SLFN12L: variants seen among roughly 807,000 people sequenced by gnomAD.
SLFN12L encodes the protein schlafen family member 12-like.
SLFN12L carries 34 observed loss-of-function variants against 34.8 expected under a neutral mutation model. That is an observed-to-expected ratio of 0.98 (90% CI 0.74 to 1.30). The LOEUF is 1.30. Ranked by LOEUF, SLFN12L falls within the 50% of genes most tolerant of loss-of-function variation. SLFN12L has a pLI of 0.00. For synonymous variants in SLFN12L, 259 were observed against 247.5 expected, an observed-to-expected ratio of 1.05 and a Z score of -0.44; for missense variants, 703 against 696.2, an observed-to-expected ratio of 1.01 and a Z score of -0.11.
At chr17:35,513,976 C>A (rs1038331300) in intron 2 of SLFN12L, among the ~76,000 whole-genome samples, 1 of 152,266 alleles carries the variant, frequency 6.6e-6, no homozygotes, top group South Asian at 2.1e-4. Context: ...TGCCAACATA[C>A]GTTCCTCAGA....
chr17:35,509,932 C>A (rs1915584897), intron 2 of SLFN12L: 1 of 152,348 alleles, frequency 6.6e-6, no homozygotes, highest in African/African-American at 2.4e-5. Flanking sequence ...CTCCTGACCT[C>A]ATGATCCTCC....
intron 2 of SLFN12L, chr17:35,490,895 C>T (rs1356275139): frequency 1.2e-6 from 1 of 836,046 alleles, no homozygotes. Flanking sequence ...GAAACACAGT[C>T]CAATGACAAC....
intron 2 of SLFN12L, among the ~76,000 whole-genome samples, chr17:35,517,700 T>A (rs1289612735): frequency 6.6e-6 from 1 of 152,052 alleles, no homozygotes; most frequent in South Asian, 2.1e-4. Context: ...CCAAAACAGA[T>A]ACATCAACCA....
intron 2 of SLFN12L, among the ~76,000 whole-genome samples, chr17:35,488,141 G>T (rs1322712709): frequency 6.6e-6 from 1 of 152,172 alleles, no homozygotes; most frequent in Non-Finnish European, 1.5e-5. Context: ...CCCCGGAGGC[G>T]CAGCTTGCAG....
Position 35,531,833 on chromosome 17 carries a change from T to C in SLFN12L, c.-606+5740A>G, listed in dbSNP as rs540963358. On this transcript the variant is annotated intron_variant, in intron 1 of 4. Transcript: ENST00000628453. Reference sequence around the variant, plus strand: ...TTTTTTTAATAGAGATGGGGTTTCATCGTGTTGGCCAGGATGGTCGTGAAA... The same window carrying C: ...TTTTTTTAATAGAGATGGGGTTTCACCGTGTTGGCCAGGATGGTCGTGAAA... 7.2e-5 allele frequency among the ~76,000 whole-genome samples: 11 copies of C among 152,006 alleles called. No homozygotes were observed. In the South Asian group the frequency reaches 2.3e-3, roughly 32 times the overall value.
At chr17:35,530,441 GAAGAAAGAAAGAAAGAAAGA>G (rs1289016983) in intron 1 of SLFN12L, among the ~76,000 whole-genome samples, 1 of 16,838 alleles carries the variant, frequency 5.9e-5, no homozygotes, top group South Asian at 3.0e-3. Flanking sequence ...GAAGGGAAGG[GAAGAAAGAAAGAAAGAAAGA>G]AAGAAAGAAA....
intron 2 of SLFN12L, among the ~76,000 whole-genome samples, chr17:35,512,359 ATTTTTTTTTT>A (rs35126425): frequency 1.9e-5 from 1 of 53,868 alleles, no homozygotes; most frequent in African/African-American, 9.8e-5. Flanking sequence ...AAAAGAGCTG[ATTTTTTTTTT>A]TTTTTTTTTT....
intron 2 of SLFN12L, chr17:35,490,791 A>G: frequency 6.8e-7 from 1 of 1,465,832 alleles, no homozygotes; most frequent in Non-Finnish European, 9.6e-7. Context: ...CTCCAGAAAT[A>G]AGACTTGAGT....
chr17:35,514,653 A>G, intron 2 of SLFN12L: 1 of 278,628 alleles, frequency 3.6e-6, no homozygotes, highest in Non-Finnish European at 7.1e-6. Context: ...TAACTTTGGT[A>G]GATTTCAATG....
intron 2 of SLFN12L, chr17:35,510,171 A>C (rs1915593184): frequency 6.6e-6 from 1 of 152,254 alleles, no homozygotes; most frequent in African/African-American, 2.4e-5. Flanking sequence ...TTTTCAAAGC[A>C]ATAACTATTA....
intron 2 of SLFN12L, chr17:35,490,126 C>A (rs898629560): frequency 1.8e-5 from 29 of 1,606,470 alleles, no homozygotes; most frequent in Non-Finnish European, 2.4e-5. Context: ...CCGCCGGCAA[C>A]CTCCTCTACA....
chr17:35,481,327 C>G (rs1914328970), intron 2 of SLFN12L, among the ~76,000 whole-genome samples: 1 of 152,344 alleles, frequency 6.6e-6, no homozygotes, highest in African/African-American at 2.4e-5. Context: ...TCAGGCCTGC[C>G]CGCAGCCATC....
At chr17:35,509,788 C>T (rs1309549112) in intron 2 of SLFN12L, among the ~76,000 whole-genome samples, 2 of 151,938 alleles carry the variant, frequency 1.3e-5, no homozygotes, top group Non-Finnish European at 2.9e-5. Flanking sequence ...AGCTCCGCCT[C>T]CTGGGTTCAT....
At position 35,471,702 on chromosome 17, in the gene SLFN12L, GATTATTTAAAAGT is replaced by G. The variant is rs1913811991; in HGVS notation, c.*3208_*3220del. Among the ~76,000 whole-genome samples the G allele has an allele frequency of 9.7e-5, 5 of 51,526 alleles. No individual in the cohort carries two copies. In the Middle Eastern group the frequency reaches 0.054, roughly 557 times the overall value. 33.8% of individuals were successfully genotyped at this position (51,526 alleles called of 152,430 possible). A position where few individuals can be genotyped will look rare whatever the true frequency, so the allele number is the denominator to read the frequency against. On this transcript the variant is annotated 3_prime_UTR_variant, in exon 5 of 5. Coordinates refer to ENST00000628453, the MANE Select transcript of SLFN12L (RefSeq NM_001363830.2). ...AGTTTTAAATATTCTTTTAATAAAA[GATTATTTAAAAGT>G]TTTAAATAATCTTTTATCTTGACTT...
At chr17:35,534,952 C>A (rs557837744) in intron 1 of SLFN12L, among the ~76,000 whole-genome samples, 2 of 152,212 alleles carry the variant, frequency 1.3e-5, no homozygotes, top group East Asian at 3.9e-4. Flanking sequence ...AAGGTTAATG[C>A]TTGTGGTGCT....
At chr17:35,498,971 G>A (rs1192451347) in intron 2 of SLFN12L, 1 of 707,934 alleles carries the variant, frequency 1.4e-6, no homozygotes, top group Non-Finnish European at 2.6e-6. Flanking sequence ...TCAAGGATGG[G>A]TGTCCCTCCC....
intron 2 of SLFN12L, among the ~76,000 whole-genome samples, chr17:35,483,062 C>T (rs1914413604): frequency 6.6e-6 from 1 of 152,188 alleles, no homozygotes; most frequent in South Asian, 2.1e-4. Context: ...ACTACCCTCT[C>T]TGCTGAGCGC....
intron 2 of SLFN12L, among the ~76,000 whole-genome samples, chr17:35,494,777 G>T (rs1240309978): frequency 1.3e-5 from 2 of 152,176 alleles, no homozygotes; most frequent in Non-Finnish European, 2.9e-5. Flanking sequence ...CAGGACTGGG[G>T]TGAGGAGAGT....
Position 35,478,081 on chromosome 17 carries a change from G to A in SLFN12L, c.1270C>T (p.Leu424Phe), listed in dbSNP as rs1403806189. The change falls in exon 4 of 5, where the codon CTT becomes TTT. Residue 424 changes from leucine to phenylalanine, a missense_variant. Leu to Phe is a conservative substitution (Grantham distance 22). Coordinates refer to ENST00000628453, the MANE Select transcript of SLFN12L (RefSeq NM_001363830.2). ...NFKIQPLRYHLPGLSEKITCA... is the reference protein window; with the variant it reads ...NFKIQPLRYHFPGLSEKITCA... ...GAAGCCAGAATTAAATTACCTGGAAGGTGATATCTCAGTGGCTGAATTTTG... is the reference window on the plus strand; with the variant it reads ...GAAGCCAGAATTAAATTACCTGGAAAGTGATATCTCAGTGGCTGAATTTTG... 3.9e-6 allele frequency: 6 copies of A among 1,530,438 alleles called. No homozygotes were observed. Among genetic ancestry groups the A allele is most frequent in the Non-Finnish European group, 4.4e-6 (5 of 1,129,502 alleles). 94.8% of individuals were successfully genotyped at this position (1,530,438 alleles called of 1,614,324 possible).
Sources: allele counts gnomAD v4.1 joint callset (sites outside exome capture counted in the v4.1 genomes callset), GRCh38; gene constraint gnomAD v4.1.1; transcripts MANE v1.5; gene names NCBI Gene and HGNC (gene_info 2026-07-23, HGNC 2026-07-21).